TMEM171: variants seen among roughly 807,000 people sequenced by gnomAD.
The protein encoded by TMEM171 is proline-rich protein PRP2.
TMEM171 carries 16 observed loss-of-function variants against 19.1 expected under a neutral mutation model. That is an observed-to-expected ratio of 0.84 (90% CI 0.57 to 1.27). The LOEUF (loss-of-function observed/expected upper bound fraction) is 1.27. TMEM171 is among the 50% of genes most tolerant of loss of function. TMEM171 has a pLI of 0.00. For synonymous variants in TMEM171, 153 were observed against 163.4 expected (o/e 0.94, Z 0.48); for missense variants, 429 against 412.7 (o/e 1.04, Z -0.34).
intron 3 of TMEM171, among the ~76,000 whole-genome samples, chr5:73,130,533 G>T (rs1744304111): frequency 6.6e-6 from 1 of 152,186 alleles, no homozygotes; most frequent in African/African-American, 2.4e-5. Flanking sequence ...TCTCCACCCT[G>T]CCTTGACAGA....
At chr5:73,121,971 A>G (rs1258345033) in intron 1 of TMEM171, among the ~76,000 whole-genome samples, 2 of 152,190 alleles carry the variant, frequency 1.3e-5, no homozygotes, top group East Asian at 1.9e-4. Flanking sequence ...TATCCCATTC[A>G]TTGGAGTAAA....
intron 2 of TMEM171, among the ~76,000 whole-genome samples, chr5:73,124,682 G>A (rs902349437): frequency 2.6e-5 from 4 of 152,174 alleles, no homozygotes; most frequent in African/African-American, 9.7e-5. Flanking sequence ...CTTGGAAGCA[G>A]CGGGATGAAC....
chr5:73,130,001 G>A (rs1261194890), intron 3 of TMEM171, among the ~76,000 whole-genome samples: 2 of 152,180 alleles, frequency 1.3e-5, no homozygotes, highest in African/African-American at 2.4e-5. Context: ...GAATGACATT[G>A]AGGAAGAGGC....
At position 73,131,007 on chromosome 5, in the gene TMEM171, G is replaced by C. The variant is rs1446556959; in HGVS notation, c.783-531G>C. On this transcript the variant is annotated intron_variant, in intron 3 of 3. Coordinates refer to ENST00000454765, the MANE Select transcript of TMEM171 (RefSeq NM_173490.8). ...CTTCATTTCAAGATAAGGAAACTGA[G>C]CTTTAGCAATGTTAACTAACTTGCC... 3.3e-5 allele frequency among the ~76,000 whole-genome samples: 5 copies of C among 152,184 alleles called. 1 individual carries two copies. The highest frequency in any genetic ancestry group is 2.0e-4 in the Admixed American group (3 of 15,278).
intron 3 of TMEM171, among the ~76,000 whole-genome samples, chr5:73,130,172 G>A (rs1434353378): frequency 6.6e-6 from 1 of 152,078 alleles, no homozygotes; most frequent in Non-Finnish European, 1.5e-5. Context: ...GAAGGGCTGG[G>A]TTTTGGGAGA....
chr5:73,128,235 T>C (rs1024479877), intron 2 of TMEM171, among the ~76,000 whole-genome samples, 155 bp from the exon 3 acceptor site: 27 of 152,206 alleles, frequency 1.8e-4, no homozygotes, highest in African/African-American at 6.3e-4. Flanking sequence ...TTTCTATCTC[T>C]ATACATTTAA....
At position 73,127,369 on chromosome 5, in the gene TMEM171, T is replaced by TAAAAAAAAAAA. The variant is rs150651292; in HGVS notation, c.641-1015_641-1005dup. On this transcript the variant is annotated intron_variant, in intron 2 of 3. Coordinates refer to ENST00000454765, the MANE Select transcript of TMEM171 (RefSeq NM_173490.8). ...AGGCCTACTTTTAAAAAATTTGTGG[T>TAAAAAAAAAAA]AAAAAAAAAAAAAAAATATATATAT... Among the ~76,000 whole-genome samples the TAAAAAAAAAAA allele has an allele frequency of 1.1e-3, 108 of 97,054 alleles. 7 individuals are homozygous for TAAAAAAAAAAA. The highest frequency in any genetic ancestry group is 1.7e-3 in the Non-Finnish European group (89 of 52,752). The allele number at this position is 97,054 out of a possible 152,430, so 63.7% of individuals were successfully genotyped here.
At chr5:73,126,055 G>A (rs915952704) in intron 2 of TMEM171, among the ~76,000 whole-genome samples, 9 of 152,174 alleles carry the variant, frequency 5.9e-5, no homozygotes, top group Admixed American at 4.6e-4. Flanking sequence ...AAGGGAACTC[G>A]CAGAGGAGAG....
chr5:73,120,735 CG>C (rs1258829080), intron 1 of TMEM171, 39 bp downstream of exon 1: 1 of 983,440 alleles, frequency 1.0e-6, no homozygotes, highest in Non-Finnish European at 1.2e-6. Flanking sequence ...CCGGCGGCGG[CG>C]GGTCGGGCGC....
At chr5:73,125,642 G>C (rs1744142520) in intron 2 of TMEM171, among the ~76,000 whole-genome samples, 1 of 152,202 alleles carries the variant, frequency 6.6e-6, no homozygotes, top group African/African-American at 2.4e-5. Context: ...TGGGGTACAA[G>C]TAAATATGTT....
At position 73,128,510 on chromosome 5, in the gene TMEM171, A is replaced by G; in HGVS notation, c.761A>G (p.Tyr254Cys). Residue 254 changes from tyrosine (Y) to cysteine (C), a missense_variant, in exon 3 of 4, where the codon TAT (tyrosine) becomes TGT (cysteine). Tyr to Cys is a radical substitution (Grantham distance 194). Coordinates refer to ENST00000454765, the MANE Select transcript of TMEM171 (RefSeq NM_173490.8). ...CTTCCGAATGAAAACCCCCCTTCATATTACAGTATTTTCAACTATGGGTAA... is the reference window on the plus strand; with the variant it reads ...CTTCCGAATGAAAACCCCCCTTCATGTTACAGTATTTTCAACTATGGGTAA... ...SLLPNENPPS[Y>C]YSIFNYGRTP... is the part of the protein sequence containing the mutation. The G allele has an allele frequency of 2.5e-6, 4 of 1,614,024 alleles. No individual in the cohort carries two copies. The highest frequency in any genetic ancestry group is 3.4e-6 in the Non-Finnish European group (4 of 1,179,994).
At chr5:73,131,356 G>A (rs923317802) in intron 3 of TMEM171, among the ~76,000 whole-genome samples, 182 bp from the exon 4 acceptor site, 1 of 152,054 alleles carries the variant, frequency 6.6e-6, no homozygotes, top group Non-Finnish European at 1.5e-5. Context: ...TCAGCTCTAG[G>A]AAAAGGAAGA....
rs1744346375 is a variant in TMEM171 at position 73,131,229 on chromosome 5, G to C, written c.783-309G>C. ...CAGAATAGCAGAGAACAGTAAGTGT[G>C]TGTGTGTGTGTGTGTGTGTCTATGT... On this transcript the variant is annotated intron_variant, in intron 3 of 3. Coordinates refer to ENST00000454765, the MANE Select transcript of TMEM171 (RefSeq NM_173490.8). Among the ~76,000 whole-genome samples, 2 of 151,852 alleles carry C rather than the reference G, an allele frequency of 1.3e-5. 1 individual carries two copies. The highest frequency in any genetic ancestry group is 4.2e-4 in the South Asian group (2 of 4,808).
Position 73,120,659 on chromosome 5 carries a change from C to T in TMEM171, c.-106C>T. 1 of 984,606 alleles carries T rather than the reference C, an allele frequency of 1.0e-6. No individual in the cohort carries two copies. The highest frequency in any genetic ancestry group is 1.2e-6 in the Non-Finnish European group (1 of 829,776). 61.0% of individuals were successfully genotyped at this position (984,606 alleles called of 1,614,324 possible). On this transcript the variant is annotated 5_prime_UTR_variant, in exon 1 of 4. Coordinates refer to ENST00000454765, the MANE Select transcript of TMEM171 (RefSeq NM_173490.8). ...GGACGCCGCGCCCAGCCAGTGCCCA[C>T]AGCAGCGCGGTCAGCCAGGCGCCGG...
intron 2 of TMEM171, 63 bp downstream of exon 2, chr5:73,124,076 G>T: frequency 1.5e-6 from 2 of 1,373,370 alleles, no homozygotes; most frequent in Non-Finnish European, 9.8e-7. Context: ...GGTTTCACCA[G>T]CTGCTCTTGG....
At chr5:73,125,285 T>G (rs1744130284) in intron 2 of TMEM171, among the ~76,000 whole-genome samples, 1 of 152,222 alleles carries the variant, frequency 6.6e-6, no homozygotes, top group Admixed American at 6.5e-5. Flanking sequence ...AACACCCATT[T>G]AAGTGCTTTA....
At chr5:73,124,978 G>A (rs902889346) in intron 2 of TMEM171, among the ~76,000 whole-genome samples, 1 of 152,186 alleles carries the variant, frequency 6.6e-6, no homozygotes, top group Non-Finnish European at 1.5e-5. Flanking sequence ...CCATGGAGAG[G>A]ACAGAGAGGG....
chr5:73,127,653 C>CA (rs1181787666), intron 2 of TMEM171, among the ~76,000 whole-genome samples: 1 of 151,506 alleles, frequency 6.6e-6, no homozygotes. Flanking sequence ...CCGTGTTGGC[C>CA]AGGCTGGTCT....
chr5:73,126,240 A>G (rs1443071732), intron 2 of TMEM171, among the ~76,000 whole-genome samples: 1 of 152,166 alleles, frequency 6.6e-6, no homozygotes, highest in Non-Finnish European at 1.5e-5. Flanking sequence ...ACAGTGTGTA[A>G]TGGAAGTGAA....
Sources: allele counts gnomAD v4.1 joint callset (sites outside exome capture counted in the v4.1 genomes callset), GRCh38; gene constraint gnomAD v4.1.1; transcripts MANE v1.5; gene names NCBI Gene and HGNC (gene_info 2026-07-23, HGNC 2026-07-21).